Variants in PCDHA2 observed in about 807,000 individuals in gnomAD.
PCDHA2 encodes protocadherin alpha 2.
In PCDHA2, 58 loss-of-function variants were observed where a neutral mutation model predicts 66.0. That is an observed-to-expected ratio of 0.88 (90% CI 0.71 to 1.09). The LOEUF (loss-of-function observed/expected upper bound fraction) is 1.09, where lower values mean the gene tolerates loss of function less well. PCDHA2 is among the 50% of genes least tolerant of loss of function. The pLI, the probability that PCDHA2 is intolerant of heterozygous loss-of-function variation, is 0.00. For synonymous variants in PCDHA2, 634 were observed against 554.0 expected, an observed-to-expected ratio of 1.14 and a Z score of -2.03; for missense variants, 1,267 against 1,242.3, an observed-to-expected ratio of 1.02 and a Z score of -0.30.
intron 1 of PCDHA2, chr5:140,803,099 C>G (rs1254134331): frequency 1.2e-6 from 2 of 1,613,874 alleles, no homozygotes. Flanking sequence ...TCAGCACGAC[C>G]CGTGCCCTGG....
At chr5:140,848,565 T>C (rs2150412911) in intron 1 of PCDHA2, 2 of 1,595,404 alleles carry the variant, frequency 1.3e-6, no homozygotes, top group African/African-American at 1.3e-5. Flanking sequence ...CCTCGCAATG[T>C]GGGTGGTGGG....
intron 1 of PCDHA2, chr5:140,808,110 T>A: frequency 6.2e-7 from 1 of 1,614,050 alleles, no homozygotes; most frequent in Non-Finnish European, 8.5e-7. Context: ...AAGGGATATA[T>A]TGACTTTGAA....
chr5:140,929,234 G>A (rs781843995), intron 1 of PCDHA2: 1 of 1,613,838 alleles, frequency 6.2e-7, no homozygotes, highest in Non-Finnish European at 8.5e-7. Flanking sequence ...GCCGACCTGC[G>A]AAATCTTGCC....
At chr5:140,807,145 T>C in intron 1 of PCDHA2, 1 of 1,574,836 alleles carries the variant, frequency 6.3e-7, no homozygotes, top group Non-Finnish European at 8.6e-7. Context: ...CCCTTGACTT[T>C]GAGAAACGAT....
intron 1 of PCDHA2, among the ~76,000 whole-genome samples, chr5:140,805,928 G>T (rs1318233063): frequency 3.9e-5 from 6 of 152,090 alleles, no homozygotes; most frequent in African/African-American, 1.4e-4. Flanking sequence ...GAAATATTAG[G>T]TAAGTCCCTC....
At chr5:140,829,966 G>T (rs2150178804) in intron 1 of PCDHA2, 1 of 1,614,002 alleles carries the variant, frequency 6.2e-7, no homozygotes, top group Non-Finnish European at 8.5e-7. Context: ...TTCGCGTGGG[G>T]CTGTACACGG....
At chr5:140,805,701 T>C in intron 1 of PCDHA2, 1 of 651,486 alleles carries the variant, frequency 1.5e-6, no homozygotes, top group Non-Finnish European at 1.9e-6. Context: ...TTACCAAGAA[T>C]TAGAATAAAA....
rs2150471496 is a variant in PCDHA2 at position 140,850,180 on chromosome 5, C to T, written c.2388+52828C>T. On this transcript the variant is annotated intron_variant, in intron 1 of 3. Coordinates refer to ENST00000526136, the MANE Select transcript of PCDHA2 (RefSeq NM_018905.3). ...TTCGTGCTGGACGAGAACGACAATG[C>T]GCCGGCGCTGCTGACACCTCGGATG... 73 of 1,593,798 alleles carry T rather than the reference C, an allele frequency of 4.6e-5. 10 individuals carry two copies. The Middle Eastern group carries it at 1.0e-3, about 23-fold the overall frequency.
At chr5:140,920,632 T>G (rs1054888668) in intron 1 of PCDHA2, among the ~76,000 whole-genome samples, 1 of 152,018 alleles carries the variant, frequency 6.6e-6, no homozygotes, top group South Asian at 2.1e-4. Context: ...GATCACAAGG[T>G]CAAGAGATTG....
intron 1 of PCDHA2, chr5:140,967,425 C>A (rs1218574888): frequency 1.2e-6 from 2 of 1,613,178 alleles, no homozygotes; most frequent in Non-Finnish European, 1.7e-6. Context: ...CGGGAGCAGG[C>A]AGCCTTGCAC....
intron 1 of PCDHA2, among the ~76,000 whole-genome samples, chr5:140,957,165 A>G (rs2095338056): frequency 6.6e-6 from 1 of 152,190 alleles, no homozygotes; most frequent in Non-Finnish European, 1.5e-5. Context: ...AAATCTAAGT[A>G]TATAAATTGG....
rs782644238 is a variant in PCDHA2 at position 140,883,107 on chromosome 5, C to A, written c.2388+85755C>A. ...GGTACAAATGGAGATATAGTTTACT[C>A]ATTTAGAAGGCCTGTATGGCCTGCA... On this transcript the variant is annotated intron_variant, in intron 1 of 3. Transcript: ENST00000526136. 15 of 1,614,064 alleles carry A rather than the reference C, an allele frequency of 9.3e-6. No homozygotes were observed. The East Asian group carries it at 3.1e-4, about 34-fold the overall frequency.
intron 1 of PCDHA2, chr5:140,883,519 C>G: frequency 6.2e-7 from 1 of 1,614,190 alleles, no homozygotes; most frequent in South Asian, 1.1e-5. Context: ...ACCGCGAGAG[C>G]GTATCAGCCT....
At chr5:140,875,474 T>C (rs1369376569) in intron 1 of PCDHA2, 1 of 1,606,582 alleles carries the variant, frequency 6.2e-7, no homozygotes, top group Non-Finnish European at 8.5e-7. Flanking sequence ...TTTTCTGCAA[T>C]GGTGATTATC....
intron 1 of PCDHA2, among the ~76,000 whole-genome samples, chr5:140,913,854 A>G: frequency 6.6e-6 from 1 of 152,128 alleles, no homozygotes; most frequent in Middle Eastern, 3.2e-3. Context: ...ATTCAGGAGC[A>G]TATTGTTTAA....
chr5:140,903,367 T>G (rs1247838310), intron 1 of PCDHA2, among the ~76,000 whole-genome samples: 1 of 152,188 alleles, frequency 6.6e-6, no homozygotes, highest in African/African-American at 2.4e-5. Flanking sequence ...TTCAAAAATA[T>G]AGGGAGGATT....
At chr5:140,798,851 A>T (rs1014896613) in intron 1 of PCDHA2, among the ~76,000 whole-genome samples, 1 of 152,224 alleles carries the variant, frequency 6.6e-6, no homozygotes, top group African/African-American at 2.4e-5. Flanking sequence ...TAACTGTCTT[A>T]AACGGTCCTC....
chr5:140,980,490 C>T (rs185528514), intron 2 of PCDHA2, among the ~76,000 whole-genome samples: 39 of 152,096 alleles, frequency 2.6e-4, no homozygotes, highest in Admixed American at 4.6e-4. Context: ...ATTAGCTGGG[C>T]GTGATGGCAT....
At position 140,927,544 on chromosome 5, in the gene PCDHA2, C is replaced by G. The variant is rs1442526060; in HGVS notation, c.2389-51405C>G. 2.5e-6 allele frequency: 4 copies of G among 1,614,034 alleles called. No homozygotes were observed. The East Asian group carries it at 6.7e-5, about 27-fold the overall frequency. ...GCTACCTGCCCGCTCAGGAGACGCA[C>G]AAGTCACCATCATTGTGGTGGACAC... On this transcript the variant is annotated intron_variant, in intron 1 of 3. Transcript: ENST00000526136.
Sources: gnomAD v4.1 joint callset for allele counts (sites outside exome capture counted in the v4.1 genomes callset) on GRCh38, gnomAD v4.1.1 for gene constraint, MANE v1.5 for transcripts, NCBI Gene and HGNC (gene_info 2026-07-23, HGNC 2026-07-21) for gene names.